The following VRK2 variants were observed in gnomAD, a reference collection of about 807,000 sequenced individuals.
VRK2 encodes serine/threonine-protein kinase VRK2.
Under a neutral mutation model 57.6 loss-of-function variants are expected in VRK2, and 60 were observed. The observed-to-expected ratio is 1.04, with a 90% confidence interval of 0.85 to 1.29. VRK2 has a LOEUF of 1.29. VRK2 is among the 50% of genes most tolerant of loss of function. The pLI, the probability that VRK2 is intolerant of heterozygous loss-of-function variation, is 0.00. For missense variants in VRK2, 705 were observed against 588.1 expected (o/e 1.20, Z -2.06); for synonymous variants, 231 against 199.2 (o/e 1.16, Z -1.35).
chr2:57,915,166 A>G (rs1352192657), intron 1 of VRK2, among the ~76,000 whole-genome samples: 1 of 152,206 alleles, frequency 6.6e-6, no homozygotes, highest in Non-Finnish European at 1.5e-5. Context: ...CCTCAAAACC[A>G]AAAAGACTAA....
chr2:58,112,743 G>A (rs957692334), intron 7 of VRK2, among the ~76,000 whole-genome samples: 7 of 152,144 alleles, frequency 4.6e-5, no homozygotes, highest in Non-Finnish European at 8.8e-5. Context: ...TTTAGGGGAA[G>A]TGAATGAGCC....
In VRK2 at chr2:58,135,202, A is replaced by C. The variant is rs771065460; in HGVS notation, c.856+3A>C. The C allele has an allele frequency of 9.9e-6, 16 of 1,613,954 alleles. No individual in the cohort carries two copies. The highest frequency in any genetic ancestry group is 1.4e-5 in the Non-Finnish European group (16 of 1,179,982). On this transcript the variant is annotated splice_donor_region_variant and intron_variant, in intron 10 of 12. Coordinates refer to ENST00000340157, the MANE Select transcript of VRK2 (RefSeq NM_006296.7). Reference sequence around the variant, plus strand: ...GGCTCCTTCTGGAAGCAGTTGCTGTAAGTCAAATAATAACTTCAACCTTCT... The same window carrying C: ...GGCTCCTTCTGGAAGCAGTTGCTGTCAGTCAAATAATAACTTCAACCTTCT...
At position 58,131,816 on chromosome 2, in the gene VRK2, A is replaced by G. The variant is rs1679238407; in HGVS notation, c.685A>G (p.Arg229Gly). Residue 229 changes from arginine to glycine, a missense_variant, in exon 9 of 13, where the codon AGA becomes GGA. Physicochemically the swap from Arg to Gly is moderately radical, Grantham distance 125. Transcript: ENST00000340157. The stretch of plus-strand genomic sequence containing the variant: ...AATGCTTACTCCTATAGCCTTGTCC[A>G]GACGAAGTGACGTTGAGATCCTCGG... ...LDAHKGVALSRRSDVEILGYC... is the reference protein window; with the variant it reads ...LDAHKGVALSGRSDVEILGYC... 6.2e-7 allele frequency: 1 copy of G among 1,612,036 alleles called. No homozygotes were observed. Among genetic ancestry groups the G allele is most frequent in the African/African-American group, 1.3e-5 (1 of 74,816 alleles).
chr2:58,030,103 A>C (rs1261403053), intron 2 of VRK2, among the ~76,000 whole-genome samples: 1 of 152,124 alleles, frequency 6.6e-6, no homozygotes, highest in Non-Finnish European at 1.5e-5. Context: ...GACCTCTCCC[A>C]TTATAAAGCC....
At chr2:57,924,793 G>C (rs1330665112) in intron 1 of VRK2, among the ~76,000 whole-genome samples, 1 of 151,950 alleles carries the variant, frequency 6.6e-6, no homozygotes, top group Non-Finnish European at 1.5e-5. Flanking sequence ...AATCTTACAG[G>C]AAAGGCTTTT....
intron 1 of VRK2, among the ~76,000 whole-genome samples, chr2:57,950,431 G>A (rs1441952358): frequency 6.6e-6 from 1 of 152,164 alleles, no homozygotes; most frequent in African/African-American, 2.4e-5. Context: ...TCTATAAATG[G>A]AACAACAGTC....
intron 12 of VRK2, among the ~76,000 whole-genome samples, chr2:58,154,467 C>A (rs561945387): frequency 2.0e-5 from 3 of 151,850 alleles, no homozygotes; most frequent in South Asian, 2.1e-4. Context: ...CTTGTCATTT[C>A]TTTTTATAAT....
chr2:57,961,992 G>T (rs1323620062), intron 1 of VRK2, among the ~76,000 whole-genome samples: 1 of 152,170 alleles, frequency 6.6e-6, no homozygotes, highest in East Asian at 1.9e-4. Context: ...TGGGAGGATC[G>T]TTTGAGCCCA....
chr2:57,951,083 T>A (rs1332322012), intron 1 of VRK2, among the ~76,000 whole-genome samples: 2 of 151,762 alleles, frequency 1.3e-5, no homozygotes, highest in East Asian at 3.9e-4. Context: ...AGAGCAAGAC[T>A]CCATCTCAAA....
rs193123227 is a variant in VRK2, at chr2:57,967,383, A to C, written c.-438-58282A>C. ...GAACTTAAAGTATAATAATAATAAT[A>C]ATAAGATAGATAATCTCATGTAGTT... is the stretch of plus-strand genomic sequence containing the variant. On this transcript the variant is annotated intron_variant, in intron 1 of 15. Transcript: ENST00000417641. Among the ~76,000 whole-genome samples, 54 of 152,166 alleles carry C rather than the reference A, an allele frequency of 3.5e-4. 1 individual carries two copies. The South Asian group carries it at 0.01, about 29-fold the overall frequency.
At chr2:57,940,508 G>A (rs1168288140) in intron 1 of VRK2, among the ~76,000 whole-genome samples, 2 of 152,070 alleles carry the variant, frequency 1.3e-5, no homozygotes, top group Non-Finnish European at 2.9e-5. Flanking sequence ...TTTAATCTGG[G>A]CACTGCATGG....
At chr2:57,955,992 C>T (rs1671574966) in intron 1 of VRK2, among the ~76,000 whole-genome samples, 1 of 152,066 alleles carries the variant, frequency 6.6e-6, no homozygotes, top group African/African-American at 2.4e-5. Flanking sequence ...TAGAAATAAA[C>T]TTGAAAATAA....
intron 1 of VRK2, among the ~76,000 whole-genome samples, chr2:57,992,823 A>C (rs560628318): frequency 1.3e-5 from 2 of 152,320 alleles, no homozygotes; most frequent in African/African-American, 4.8e-5. Flanking sequence ...GGCGTGAGCC[A>C]CCGCGCCCGG....
intron 1 of VRK2, among the ~76,000 whole-genome samples, chr2:57,982,699 T>C (rs1672461456): frequency 6.6e-6 from 1 of 152,064 alleles, no homozygotes; most frequent in African/African-American, 2.4e-5. Flanking sequence ...ATGTGGAGAA[T>C]AGAGGACACT....
chr2:58,060,594 GTA>G (rs1316331699), intron 2 of VRK2, among the ~76,000 whole-genome samples: 2 of 151,722 alleles, frequency 1.3e-5, no homozygotes, highest in African/African-American at 4.8e-5. Context: ...TGTTTATGTA[GTA>G]TATCTTTGGA....
At chr2:58,004,845 T>C (rs1364873636) in intron 1 of VRK2, among the ~76,000 whole-genome samples, 3 of 152,256 alleles carry the variant, frequency 2.0e-5, no homozygotes, top group East Asian at 1.9e-4. Context: ...TCAGGCATTA[T>C]TGAGACATAT....
chr2:57,932,036 T>G (rs1454821969), intron 1 of VRK2, among the ~76,000 whole-genome samples: 3 of 152,208 alleles, frequency 2.0e-5, no homozygotes, highest in Admixed American at 1.3e-4. Flanking sequence ...GTAAATAATT[T>G]GAAATCAAGA....
At chr2:57,939,803 T>TTCTTATG (rs1671035159) in intron 1 of VRK2, among the ~76,000 whole-genome samples, 1 of 152,226 alleles carries the variant, frequency 6.6e-6, no homozygotes, top group African/African-American at 2.4e-5. Flanking sequence ...GAACACTTAG[T>TTCTTATG]TCTTATGTGT....
intron 1 of VRK2, among the ~76,000 whole-genome samples, chr2:57,941,208 G>T (rs1671082949): frequency 6.6e-6 from 1 of 152,138 alleles, no homozygotes; most frequent in South Asian, 2.1e-4. Context: ...TAAGAAATCT[G>T]TTAATTGTAC....
Sources: gnomAD v4.1 joint callset for allele counts (sites outside exome capture counted in the v4.1 genomes callset) on GRCh38, gnomAD v4.1.1 for gene constraint, MANE v1.5 for transcripts, NCBI Gene and HGNC (gene_info 2026-07-23, HGNC 2026-07-21) for gene names.